Variants in TRPV4 observed in about 807,000 individuals in gnomAD.
TRPV4 encodes OSM9-like transient receptor potential channel 4.
A neutral mutation model predicts 84.1 loss-of-function variants in TRPV4; 58 were observed. The observed-to-expected ratio is 0.69, with a 90% CI of 0.56 to 0.86. The LOEUF (loss-of-function observed/expected upper bound fraction) is 0.86, where lower values mean the gene tolerates loss of function less well. Ranked by LOEUF, TRPV4 falls within the 40% of genes least tolerant of loss-of-function variation. TRPV4 has a pLI of 0.00. For missense variants in TRPV4, 879 were observed against 1,181.1 expected (o/e 0.74, Z 3.75); for synonymous variants, 489 against 500.9 (o/e 0.98, Z 0.32).
intron 3 of TRPV4, among the ~76,000 whole-genome samples, chr12:109,805,945 A>G (rs1891091135): frequency 6.6e-6 from 1 of 152,210 alleles, no homozygotes; most frequent in African/African-American, 2.4e-5. Flanking sequence ...GCCAGCATCC[A>G]TCTCCCAGGA....
rs1889682931 is a variant in TRPV4 at position 109,786,359 on chromosome 12, C to T, written c.2336+351G>A. Among the ~76,000 whole-genome samples the T allele has an allele frequency of 6.6e-6, 1 of 152,154 alleles. No homozygotes were observed. Among genetic ancestry groups the T allele is most frequent in the Non-Finnish European group, 1.5e-5 (1 of 68,026 alleles). On this transcript the variant is annotated intron_variant, in intron 14 of 15. Transcript: ENST00000261740. This position sits in a 1 kb window ranked among gnomAD's most constrained non-coding sequence, Gnocchi z 4.5. ...ATACAGGGTGATGCTCTAAAATGAA[C>T]CCACCATCCAAGTCTCTGCTTCCCC...
intron 1 of TRPV4, among the ~76,000 whole-genome samples, chr12:109,831,888 A>G (rs969680651): frequency 1.3e-5 from 2 of 152,256 alleles, no homozygotes; most frequent in Admixed American, 6.5e-5. Context: ...CAATTCACCA[A>G]TCAAGGTGGG....
chr12:109,788,943 G>A (rs1270697063), intron 12 of TRPV4, among the ~76,000 whole-genome samples: 3 of 152,206 alleles, frequency 2.0e-5, no homozygotes, highest in East Asian at 1.9e-4. Flanking sequence ...TGATAAGGAA[G>A]AGGTTATCTC....
chr12:109,821,522 A>G lies in TRPV4; in HGVS notation c.-31-6695T>C, dbSNP rs77840835. Among the ~76,000 whole-genome samples, 1,313 of 148,476 alleles carry G rather than the reference A, an allele frequency of 8.8e-3. 27 individuals carry two copies. The highest frequency in any genetic ancestry group is 0.032 in the African/African-American group (1,265 of 39,906). ...CCTTTACAGCACTTCCCACGATTAA[A>G]CTTTTCTATATATGTATTTTTTTTT... is the stretch of plus-strand genomic sequence containing the variant. On this transcript the variant is annotated intron_variant, in intron 1 of 15. Transcript: ENST00000261740.
rs1293621639 is a variant in TRPV4, at chr12:109,814,723, G to T, written c.74C>A (p.Thr25Asn). 2 of 1,600,214 alleles carry T rather than the reference G, an allele frequency of 1.2e-6. No homozygotes were observed. Among genetic ancestry groups the T allele is most frequent in the Admixed American group, 1.7e-5 (1 of 58,106 alleles). The change falls in exon 2 of 16, where the codon ACC becomes AAC. Residue 25 changes from threonine to asparagine, a missense_variant. Thr to Asn is a moderately conservative substitution (Grantham distance 65, BLOSUM62 0). This residue lies in a region of TRPV4 where 107 missense variants were observed against 99.4 expected (regional missense o/e 1.08). Coordinates refer to ENST00000261740, the MANE Select transcript of TRPV4 (RefSeq NM_021625.5). The surrounding 1 kb of genome is among the most constrained non-coding windows in gnomAD (Gnocchi z 5.4). ...GAGAGGAAAAGCCTCCCCACCTGGG[G>T]TGCCACTCTCATCCCCGGGGAGCTC... ...VAELPGDESG[T>N]PGGEAFPLSS... is the part of the protein sequence containing the mutation.
chr12:109,798,793 G>A lies in TRPV4; in HGVS notation c.973C>T (p.Leu325=), dbSNP rs772372287. The A allele has an allele frequency of 6.2e-7, 1 of 1,614,096 alleles. No homozygotes were observed. The highest frequency in any genetic ancestry group is 1.3e-5 in the African/African-American group (1 of 74,942). The change falls in exon 6 of 16, where the codon CTG becomes TTG. Residue 325 remains leucine (L), a synonymous_variant. Coordinates refer to ENST00000261740, the MANE Select transcript of TRPV4 (RefSeq NM_021625.5). This position sits in a 1 kb window ranked among gnomAD's most constrained non-coding sequence, Gnocchi z 5.0. ...RRQDSRGNTV[L]HALVAIADNT... Reference sequence around the variant, plus strand: ...TCAGCAATGGCCACCAGCGCATGCAGCACTGTGTTGCCTCGCGAGTCCTGG... The same window carrying A: ...TCAGCAATGGCCACCAGCGCATGCAACACTGTGTTGCCTCGCGAGTCCTGG...
At chr12:109,813,743 G>C (rs1186792219) in intron 2 of TRPV4, among the ~76,000 whole-genome samples, 2 of 151,368 alleles carry the variant, frequency 1.3e-5, no homozygotes, top group East Asian at 3.9e-4. Context: ...TGGATGATGG[G>C]TGGATAGATA....
intron 2 of TRPV4, among the ~76,000 whole-genome samples, chr12:109,810,717 TG>T (rs1891468285): frequency 6.6e-6 from 1 of 152,098 alleles, no homozygotes; most frequent in Non-Finnish European, 1.5e-5. Context: ...CTTTGACCTT[TG>T]AGCCAAAAAA....
chr12:109,792,375 C>T lies in TRPV4; in HGVS notation c.1879G>A (p.Gly627Ser), dbSNP rs998369017. 1.2e-5 allele frequency: 20 copies of T among 1,613,704 alleles called. No individual in the cohort carries two copies. The highest frequency in any genetic ancestry group is 1.6e-5 in the Non-Finnish European group (19 of 1,179,928). The change falls in exon 12 of 16, where the codon GGC (glycine) becomes AGC (serine). Residue 627 changes from glycine to serine, a missense_variant. Transcript: ENST00000261740. ...ACCCAGAGCTCACCTGAAGCGTAGC[C>T]GATCATGAAGAGCAAGTAGACGAGC... ...FLLVYLLFMI[G>S]YASALVSLLN... is the part of the protein sequence containing the mutation.
intron 4 of TRPV4, among the ~76,000 whole-genome samples, chr12:109,801,336 T>C (rs1342294384): frequency 6.6e-6 from 1 of 152,214 alleles, no homozygotes; most frequent in East Asian, 1.9e-4. Flanking sequence ...CCATGTATCA[T>C]GGGAGGGACC....
At chr12:109,799,859 C>G (rs1890661630) in intron 5 of TRPV4, among the ~76,000 whole-genome samples, 1 of 152,120 alleles carries the variant, frequency 6.6e-6, no homozygotes, top group Admixed American at 6.5e-5. Context: ...CTCCTAGGTT[C>G]AAGTGATCCT....
At chr12:109,813,729 T>G (rs923031655) in intron 2 of TRPV4, among the ~76,000 whole-genome samples, 1 of 151,900 alleles carries the variant, frequency 6.6e-6, no homozygotes. Context: ...GGTAGATGGA[T>G]GGATGGATGA....
chr12:109,809,951 A>G (rs868170234), intron 2 of TRPV4, among the ~76,000 whole-genome samples: 1 of 152,214 alleles, frequency 6.6e-6, no homozygotes, highest in Non-Finnish European at 1.5e-5. Flanking sequence ...TGATATTACC[A>G]TTATTAATGA....
chr12:109,823,397 G>A (rs554686168), intron 1 of TRPV4, among the ~76,000 whole-genome samples: 8 of 152,228 alleles, frequency 5.3e-5, no homozygotes, highest in Admixed American at 2.0e-4. Context: ...TGGTCATTCT[G>A]CAAGCCCTTG....
chr12:109,792,069 A>G (rs2136463028), intron 12 of TRPV4, among the ~76,000 whole-genome samples: 1 of 142,536 alleles, frequency 7.0e-6, no homozygotes, highest in Non-Finnish European at 1.5e-5. Context: ...CATCTCTACT[A>G]AAAATACAAA....
chr12:109,824,177 C>A (rs1018505858), intron 1 of TRPV4, among the ~76,000 whole-genome samples: 2 of 151,990 alleles, frequency 1.3e-5, no homozygotes, highest in Non-Finnish European at 2.9e-5. Context: ...GTTGGCCAGG[C>A]TGGTCTCGAA....
At chr12:109,810,178 A>T (rs1006023385) in intron 2 of TRPV4, among the ~76,000 whole-genome samples, 1 of 152,208 alleles carries the variant, frequency 6.6e-6, no homozygotes, top group African/African-American at 2.4e-5. Context: ...GTTCTGAGAG[A>T]GAAAGAGCTA....
intron 13 of TRPV4, among the ~76,000 whole-genome samples, chr12:109,787,855 C>G (rs1889784713): frequency 1.3e-5 from 2 of 152,224 alleles, no homozygotes; most frequent in African/African-American, 2.4e-5. Flanking sequence ...GGGCTGTGAT[C>G]CCAGGGCCTG....
At chr12:109,800,565 C>A in intron 5 of TRPV4, 53 bp downstream of exon 5, 1 of 1,609,790 alleles carries the variant, frequency 6.2e-7, no homozygotes, top group Non-Finnish European at 8.5e-7. Flanking sequence ...ATCATGCTAT[C>A]TCCCGCCATG....
Sources: allele counts gnomAD v4.1 joint callset (sites outside exome capture counted in the v4.1 genomes callset), GRCh38; gene constraint gnomAD v4.1.1; regional missense constraint gnomAD v4.1.1; non-coding constraint Gnocchi (gnomAD v3.1); transcripts MANE v1.5; gene names NCBI Gene and HGNC (gene_info 2026-07-23, HGNC 2026-07-21).